MAGI2: variants seen among roughly 807,000 people sequenced by gnomAD.
The protein encoded by MAGI2 is membrane associated guanylate kinase, WW and PDZ domain containing 2.
A neutral mutation model predicts 133.3 loss-of-function variants in MAGI2; 35 were observed. The observed-to-expected ratio is 0.26, with a 90% CI of 0.20 to 0.35. The LOEUF is 0.35. MAGI2 is among the 10% of genes least tolerant of loss of function. The pLI, the probability that MAGI2 is intolerant of heterozygous loss-of-function variation, is 1.00. For missense variants in MAGI2, 1,636 were observed against 1,863.4 expected (o/e 0.88, Z 2.25); for synonymous variants, 729 against 710.6 (o/e 1.03, Z -0.41).
chr7:78,861,431 C>T (rs1368093048), intron 2 of MAGI2, among the ~76,000 whole-genome samples: 2 of 152,118 alleles, frequency 1.3e-5, no homozygotes, highest in Non-Finnish European at 2.9e-5. Context: ...GATTTAAGGA[C>T]CTCTTCTCAC....
intron 2 of MAGI2, among the ~76,000 whole-genome samples, chr7:78,739,623 G>T (rs1822200080): frequency 6.6e-6 from 1 of 152,086 alleles, no homozygotes; most frequent in Non-Finnish European, 1.5e-5. Flanking sequence ...TTCTTTAGTT[G>T]AAAAAGCTTC....
intron 1 of MAGI2, among the ~76,000 whole-genome samples, chr7:79,434,319 A>G (rs1242227385): frequency 6.6e-6 from 1 of 152,310 alleles, no homozygotes; most frequent in East Asian, 1.9e-4. Flanking sequence ...ACTCTTTTGA[A>G]TCACAGAAGG....
Position 79,356,790 on chromosome 7 carries a change from A to C in MAGI2, c.301+96230T>G, listed in dbSNP as rs575290078. 3.9e-5 allele frequency among the ~76,000 whole-genome samples: 6 copies of C among 152,280 alleles called. No individual in the cohort carries two copies. In the South Asian group the frequency reaches 1.0e-3, roughly 26 times the overall value. ...GTTATAACCCACAGCATGACTGAAT[A>C]TAGGACTAAATACTAGACACATCAC... On this transcript the variant is annotated intron_variant, in intron 1 of 21. Coordinates refer to ENST00000354212, the MANE Select transcript of MAGI2 (RefSeq NM_012301.4).
At chr7:79,305,172 AT>A (rs1837685101) in intron 1 of MAGI2, among the ~76,000 whole-genome samples, 1 of 152,156 alleles carries the variant, frequency 6.6e-6, no homozygotes, top group Non-Finnish European at 1.5e-5. Flanking sequence ...TTCTTAAAGA[AT>A]TTGGGGGACT....
intron 1 of MAGI2, among the ~76,000 whole-genome samples, chr7:79,203,354 A>T (rs534706061): frequency 6.6e-6 from 1 of 152,186 alleles, no homozygotes; most frequent in Admixed American, 6.5e-5. Context: ...CACTGTACTT[A>T]GAAACAATGT....
intron 6 of MAGI2, among the ~76,000 whole-genome samples, chr7:78,432,307 A>C (rs537017347): frequency 6.6e-6 from 1 of 152,106 alleles, no homozygotes; most frequent in East Asian, 1.9e-4. Flanking sequence ...AATTGATGTT[A>C]TTAACTCCTC....
At chr7:78,481,053 C>T (rs1792317339) in intron 6 of MAGI2, among the ~76,000 whole-genome samples, 1 of 151,790 alleles carries the variant, frequency 6.6e-6, no homozygotes, top group South Asian at 2.1e-4. Flanking sequence ...TTTTGTAGTT[C>T]TAGAAAAGCT....
intron 3 of MAGI2, among the ~76,000 whole-genome samples, chr7:78,543,454 T>TC (rs1351400703): frequency 6.6e-6 from 1 of 152,202 alleles, no homozygotes; most frequent in African/African-American, 2.4e-5. Flanking sequence ...AAACATCATT[T>TC]TTAAAAAAGG....
chr7:78,945,651 A>G (rs1801357815), intron 2 of MAGI2, among the ~76,000 whole-genome samples: 1 of 152,172 alleles, frequency 6.6e-6, no homozygotes, highest in South Asian at 2.1e-4. Flanking sequence ...TTGTGATCTA[A>G]CTCTAGCAAT....
chr7:78,171,516 C>A (rs1246615153), intron 14 of MAGI2, among the ~76,000 whole-genome samples: 1 of 152,192 alleles, frequency 6.6e-6, no homozygotes, highest in East Asian at 1.9e-4. Flanking sequence ...AGATCAATCA[C>A]CCTTTGATAG....
intron 9 of MAGI2, among the ~76,000 whole-genome samples, chr7:78,313,594 T>C (rs1193538823): frequency 6.6e-6 from 1 of 151,786 alleles, no homozygotes; most frequent in Non-Finnish European, 1.5e-5. Flanking sequence ...AAATATTTTT[T>C]TTGATATATA....
At chr7:78,054,403 C>T (rs1031903181) in intron 21 of MAGI2, among the ~76,000 whole-genome samples, 9 of 151,612 alleles carry the variant, frequency 5.9e-5, no homozygotes, top group South Asian at 2.1e-4. Flanking sequence ...GGATTACAGG[C>T]GTGAGACACT....
At chr7:78,916,865 C>T (rs189351085) in intron 2 of MAGI2, among the ~76,000 whole-genome samples, 3 of 152,128 alleles carry the variant, frequency 2.0e-5, no homozygotes, top group East Asian at 1.9e-4. Context: ...ATTCTGAAGG[C>T]GAATAGTTGG....
intron 2 of MAGI2, among the ~76,000 whole-genome samples, chr7:78,974,309 A>G (rs1021937688): frequency 6.6e-6 from 1 of 151,848 alleles, no homozygotes; most frequent in Non-Finnish European, 1.5e-5. Flanking sequence ...GGCCAGTTAG[A>G]ATAATTTTTT....
chr7:78,415,560 T>C (rs1298478190), intron 6 of MAGI2, among the ~76,000 whole-genome samples: 1 of 152,074 alleles, frequency 6.6e-6, no homozygotes, highest in Non-Finnish European at 1.5e-5. Flanking sequence ...TATAATTTAG[T>C]ATGAAATATA....
At chr7:79,274,046 C>T (rs755347797) in intron 1 of MAGI2, among the ~76,000 whole-genome samples, 8 of 152,052 alleles carry the variant, frequency 5.3e-5, no homozygotes, top group Non-Finnish European at 1.2e-4. Flanking sequence ...AGACTCACCA[C>T]CTGGAGGTAG....
chr7:78,048,964 C>T (rs1018825700), intron 21 of MAGI2, among the ~76,000 whole-genome samples: 17 of 151,888 alleles, frequency 1.1e-4, no homozygotes, highest in South Asian at 4.2e-4. Context: ...AAAAATTAGC[C>T]GGGCGTGGTG....
chr7:79,100,736 T>C (rs1253217274), intron 1 of MAGI2, among the ~76,000 whole-genome samples: 1 of 151,906 alleles, frequency 6.6e-6, no homozygotes, highest in African/African-American at 2.4e-5. Context: ...GCTGTTCATG[T>C]TAATTTAAGA....
At chr7:78,484,836 T>C (rs940106820) in intron 6 of MAGI2, 1 of 152,002 alleles carries the variant, frequency 6.6e-6, no homozygotes, top group Admixed American at 6.6e-5. Context: ...ACAACTCCCA[T>C]TTACAGGTAA....
Sources: allele counts gnomAD v4.1 joint callset (sites outside exome capture counted in the v4.1 genomes callset), GRCh38; gene constraint gnomAD v4.1.1; transcripts MANE v1.5; gene names NCBI Gene and HGNC (gene_info 2026-07-23, HGNC 2026-07-21).